The following CSMD1 variants were observed in gnomAD, a reference collection of about 807,000 sequenced individuals.
CSMD1 encodes the protein CUB and sushi domain-containing protein 1.
CSMD1 carries 213 observed loss-of-function variants against 417.5 expected under a neutral mutation model. The ratio of observed to expected loss-of-function variants is 0.51; its 90% confidence interval spans 0.46 to 0.57. The LOEUF is 0.57. Among genes scored for constraint, CSMD1 ranks in the 20% least tolerant of loss-of-function variants. The pLI is 0.00. For missense variants in CSMD1, 6,923 were observed against 4,529.7 expected, an observed-to-expected ratio of 1.53 and a Z score of -15.17; for synonymous variants, 2,862 against 1,736.8, an observed-to-expected ratio of 1.65 and a Z score of -16.11.
intron 4 of CSMD1, among the ~76,000 whole-genome samples, chr8:4,006,823 A>ATTTTTTTTT (rs759780050): frequency 1.0e-4 from 10 of 95,976 alleles, no homozygotes; most frequent in African/African-American, 8.3e-5. Context: ...GACTTTTCCT[A>ATTTTTTTTT]TTTTTTTTTT....
intron 3 of CSMD1, among the ~76,000 whole-genome samples, chr8:4,105,486 A>T (rs987654915): frequency 3.3e-5 from 5 of 152,228 alleles, no homozygotes; most frequent in Non-Finnish European, 7.3e-5. Context: ...TGAGGAAACT[A>T]TGTTCCAGAG....
intron 1 of CSMD1, among the ~76,000 whole-genome samples, chr8:4,880,922 T>C (rs1257547220): frequency 1.3e-5 from 2 of 152,112 alleles, no homozygotes; most frequent in African/African-American, 4.8e-5. Context: ...TTATTTACTA[T>C]CTTTGGACTT....
rs180718656 is a variant in CSMD1 at position 4,740,370 on chromosome 8, A to G, written c.86-102812T>C. On this transcript the variant is annotated intron_variant, in intron 1 of 69. Coordinates refer to ENST00000635120, the MANE Select transcript of CSMD1 (RefSeq NM_033225.6). ...ATTTAAATCCAAGGATTTATTGTAG[A>G]AATACAGTATTAGAATGAGGAAATA... is the stretch of plus-strand genomic sequence containing the variant. 2.1e-3 allele frequency among the ~76,000 whole-genome samples: 323 copies of G among 152,264 alleles called. 3 individuals carry two copies. Among genetic ancestry groups the G allele is most frequent in the Non-Finnish European group, 2.1e-3 (145 of 68,028 alleles).
intron 3 of CSMD1, among the ~76,000 whole-genome samples, chr8:4,231,236 A>G (rs1801708297): frequency 6.6e-6 from 1 of 152,196 alleles, no homozygotes; most frequent in South Asian, 2.1e-4. Flanking sequence ...CTTTGAGGTT[A>G]CTGCCGCCAT....
intron 2 of CSMD1, among the ~76,000 whole-genome samples, chr8:4,520,987 G>T (rs1216159014): frequency 6.6e-6 from 1 of 151,926 alleles, no homozygotes; most frequent in Non-Finnish European, 1.5e-5. Flanking sequence ...TACATTCATG[G>T]CTCATTATAT....
At chr8:4,247,535 C>T (rs898801370) in intron 3 of CSMD1, among the ~76,000 whole-genome samples, 10 of 151,974 alleles carry the variant, frequency 6.6e-5, no homozygotes, top group Admixed American at 1.3e-4. Flanking sequence ...TATTAGTACC[C>T]GAAGAATCAA....
At chr8:4,722,062 G>A (rs1003016121) in intron 1 of CSMD1, among the ~76,000 whole-genome samples, 2 of 152,150 alleles carry the variant, frequency 1.3e-5, no homozygotes, top group Non-Finnish European at 1.5e-5. Flanking sequence ...TTGAACTTAT[G>A]TAGGATGAAT....
chr8:3,785,912 A>G (rs1383952), intron 5 of CSMD1, among the ~76,000 whole-genome samples: 151,458 of 152,344 alleles, frequency 0.99, 75,290 homozygotes, highest in Middle Eastern at 1. Flanking sequence ...ATTTCTCTGT[A>G]CACCATTCTT....
intron 8 of CSMD1, among the ~76,000 whole-genome samples, chr8:3,606,482 G>A (rs1801620127): frequency 6.9e-6 from 1 of 144,860 alleles, no homozygotes; most frequent in Admixed American, 7.1e-5. Context: ...TATGAAAGAC[G>A]GAAGATGTCT....
At chr8:4,967,676 G>C (rs1330259388) in intron 1 of CSMD1, among the ~76,000 whole-genome samples, 3 of 152,126 alleles carry the variant, frequency 2.0e-5, no homozygotes, top group Admixed American at 6.6e-5. Flanking sequence ...CATGAATCTT[G>C]CATACATTTC....
In CSMD1 at chr8:3,278,110, A is replaced by G. The variant is rs776533950; in HGVS notation, c.4153+6034T>C. 9.2e-5 allele frequency among the ~76,000 whole-genome samples: 14 copies of G among 152,302 alleles called. No homozygotes were observed. The South Asian group carries it at 2.9e-3, about 32-fold the overall frequency. On this transcript the variant is annotated intron_variant, in intron 26 of 69. Transcript: ENST00000635120. ...GGGAAAAAATATATGAATCAGCCAA[A>G]GAGCCAATGATAGAGTGACCCTTGG...
chr8:4,965,648 G>A lies in CSMD1; in HGVS notation c.85+28684C>T, dbSNP rs187177984. On this transcript the variant is annotated intron_variant, in intron 1 of 69. Transcript: ENST00000635120. ...TTCACTTCCTGTAGCTGTATAAGTG[G>A]AATGAAAGTACATGCTCTTAGTCTC... Among the ~76,000 whole-genome samples, 630 of 152,286 alleles carry A rather than the reference G, an allele frequency of 4.1e-3. 7 individuals are homozygous for A. The highest frequency in any genetic ancestry group is 0.014 in the African/African-American group (602 of 41,540).
intron 5 of CSMD1, among the ~76,000 whole-genome samples, chr8:3,777,913 A>C (rs536135839): frequency 6.6e-6 from 1 of 151,074 alleles, no homozygotes; most frequent in Non-Finnish European, 1.5e-5. Context: ...CCCACTCCAG[A>C]CCCGCAGCCT....
intron 2 of CSMD1, among the ~76,000 whole-genome samples, chr8:4,473,322 G>A (rs1438353045): frequency 6.6e-6 from 1 of 152,168 alleles, no homozygotes; most frequent in African/African-American, 2.4e-5. Flanking sequence ...CAAAAGGAGG[G>A]AAAATCAGCA....
intron 5 of CSMD1, chr8:3,949,848 T>A (rs1207031099): frequency 4.4e-6 from 2 of 453,382 alleles, no homozygotes; most frequent in East Asian, 7.0e-5. Context: ...ATTGAGGGGA[T>A]CCCTGGGGAC....
intron 10 of CSMD1, among the ~76,000 whole-genome samples, chr8:3,536,609 C>T (rs1247906045): frequency 6.6e-6 from 1 of 152,200 alleles, no homozygotes; most frequent in African/African-American, 2.4e-5. Flanking sequence ...ATAGTGTGAA[C>T]AGAAACGGTA....
chr8:4,028,951 T>C (rs1364734174), intron 4 of CSMD1, among the ~76,000 whole-genome samples: 2 of 152,132 alleles, frequency 1.3e-5, no homozygotes, highest in African/African-American at 4.8e-5. Flanking sequence ...TTTTGGAAAA[T>C]GTAAAAATAG....
At chr8:4,127,462 AAAAAAAAAAAAAAAAAAG>A (rs1311026178) in intron 3 of CSMD1, among the ~76,000 whole-genome samples, 1 of 104,962 alleles carries the variant, frequency 9.5e-6, no homozygotes, top group African/African-American at 3.5e-5. Flanking sequence ...TGAAAAAAAA[AAAAAAAAAAAAAAAAAAG>A]AAAATCATAA....
At chr8:3,181,299 G>T in intron 36 of CSMD1, 85 bp from the exon 37 acceptor site, 4 of 904,466 alleles carry the variant, frequency 4.4e-6, no homozygotes, top group East Asian at 2.7e-5. Context: ...TACTTATTAG[G>T]CTTACAAATC....
Sources: allele counts gnomAD v4.1 joint callset (sites outside exome capture counted in the v4.1 genomes callset), GRCh38; gene constraint gnomAD v4.1.1; transcripts MANE v1.5; gene names NCBI Gene and HGNC (gene_info 2026-07-23, HGNC 2026-07-21).